RGS7: variants seen among roughly 807,000 people sequenced by gnomAD.
RGS7 encodes regulator of G protein signaling 7.
RGS7 carries 27 observed loss-of-function variants against 81.1 expected under a neutral mutation model. The ratio of observed to expected loss-of-function variants is 0.33; its 90% CI spans 0.25 to 0.46. The LOEUF is 0.46. Among genes scored for constraint, RGS7 ranks in the 20% least tolerant of loss-of-function variants. RGS7 has a pLI of 1.00. For synonymous variants in RGS7, 208 were observed against 207.7 expected, an observed-to-expected ratio of 1.00 and a Z score of -0.01; for missense variants, 396 against 607.4, an observed-to-expected ratio of 0.65 and a Z score of 3.66.
At chr1:240,865,276 C>A (rs1663027869) in intron 9 of RGS7, among the ~76,000 whole-genome samples, 2 of 152,134 alleles carry the variant, frequency 1.3e-5, no homozygotes, top group South Asian at 4.1e-4. Flanking sequence ...CCCTTTTTTA[C>A]TGGTTGTTGG....
chr1:241,211,153 C>T (rs1013995785), intron 2 of RGS7, among the ~76,000 whole-genome samples: 1 of 152,054 alleles, frequency 6.6e-6, no homozygotes, highest in Non-Finnish European at 1.5e-5. Flanking sequence ...GGTGTGGTGG[C>T]GCTTGCCTGT....
At chr1:241,152,775 TG>T (rs2068848449) in intron 2 of RGS7, among the ~76,000 whole-genome samples, 1 of 152,222 alleles carries the variant, frequency 6.6e-6, no homozygotes, top group East Asian at 1.9e-4. Flanking sequence ...CCTCCCATGG[TG>T]GCCAGCAACG....
intron 6 of RGS7, among the ~76,000 whole-genome samples, chr1:240,876,682 C>A (rs1665473281): frequency 6.6e-6 from 1 of 152,110 alleles, no homozygotes; most frequent in Admixed American, 6.5e-5. Context: ...TGGCCATAGG[C>A]TGGGTGTAGT....
At chr1:240,828,999 T>C (rs943070062) in intron 9 of RGS7, among the ~76,000 whole-genome samples, 6 of 152,290 alleles carry the variant, frequency 3.9e-5, no homozygotes, top group Admixed American at 3.9e-4. Context: ...CAGACTCAGC[T>C]GTTCACTACA....
Position 240,836,490 on chromosome 1 carries a change from A to G in RGS7, c.610-9318T>C, listed in dbSNP as rs76337056. 6.6e-3 allele frequency among the ~76,000 whole-genome samples: 1,010 copies of G among 152,224 alleles called. 10 individuals are homozygous for G. Among genetic ancestry groups the G allele is most frequent in the Middle Eastern group, 0.017 (5 of 294 alleles). Reference sequence around the variant, plus strand: ...AAGCTATAATCAACAAAACTTGCTGATGGGTTTTGTCTGTGGGCATGCTGA... The same window carrying G: ...AAGCTATAATCAACAAAACTTGCTGGTGGGTTTTGTCTGTGGGCATGCTGA... On this transcript the variant is annotated intron_variant, in intron 9 of 18. Transcript: ENST00000440928.
chr1:241,329,623 T>C lies in RGS7; in HGVS notation c.78+26076A>G, dbSNP rs368502945. Among the ~76,000 whole-genome samples, 31 of 152,306 alleles carry C rather than the reference T, an allele frequency of 2.0e-4. No homozygotes were observed. The East Asian group carries it at 3.3e-3, about 16-fold the overall frequency. ...ATACCATACGTTCCCTTTAATGTTATTCCATAATGACCATAAAGTGCCTAA... is the reference window on the plus strand; with the variant it reads ...ATACCATACGTTCCCTTTAATGTTACTCCATAATGACCATAAAGTGCCTAA... On this transcript the variant is annotated intron_variant, in intron 2 of 18. Transcript: ENST00000440928.
chr1:240,816,582 A>G (rs1690841156), intron 10 of RGS7, among the ~76,000 whole-genome samples, 167 bp from the exon 11 acceptor site: 1 of 152,240 alleles, frequency 6.6e-6, no homozygotes, highest in African/African-American at 2.4e-5. Context: ...TCAAATGCAT[A>G]TAAAATAGAA....
intron 2 of RGS7, among the ~76,000 whole-genome samples, chr1:241,188,614 A>T (rs2072335533): frequency 6.6e-6 from 1 of 152,200 alleles, no homozygotes. Flanking sequence ...ACTACAAAAA[A>T]TGCTTGAGAT....
chr1:240,955,546 T>C (rs6660126), intron 4 of RGS7, among the ~76,000 whole-genome samples: 128,172 of 143,544 alleles, frequency 0.89, 56,660 homozygotes, highest in Admixed American at 0.94. Flanking sequence ...AGCAAGACTC[T>C]GTCTCAAAAA....
chr1:241,047,956 T>A (rs1441433016), intron 3 of RGS7, among the ~76,000 whole-genome samples: 1 of 152,058 alleles, frequency 6.6e-6, no homozygotes, highest in Admixed American at 6.6e-5. Flanking sequence ...GTCAGGCTGA[T>A]CTTGAACTCC....
chr1:241,330,452 C>A (rs924459532), intron 2 of RGS7, among the ~76,000 whole-genome samples: 1 of 152,174 alleles, frequency 6.6e-6, no homozygotes, highest in South Asian at 2.1e-4. Flanking sequence ...GTTTAAATAA[C>A]CCATCACTTG....
At chr1:240,798,294 A>G (rs1266975840) in intron 18 of RGS7, among the ~76,000 whole-genome samples, 1 of 152,208 alleles carries the variant, frequency 6.6e-6, no homozygotes, top group Non-Finnish European at 1.5e-5. Context: ...GAATCTGGGT[A>G]ACTAACAAAA....
At chr1:240,932,526 T>TTTTTTTTTTTA (rs1675638725) in intron 5 of RGS7, among the ~76,000 whole-genome samples, 3 of 150,352 alleles carry the variant, frequency 2.0e-5, no homozygotes, top group African/African-American at 4.9e-5. Context: ...TTTTTTTTTT[T>TTTTTTTTTTTA]GAGACAGGGT....
Position 240,784,013 on chromosome 1 carries a change from T to TAAAA in RGS7, c.*7-7804_*7-7801dup, listed in dbSNP as rs71172645. On this transcript the variant is annotated intron_variant, in intron 18 of 18. Transcript: ENST00000440928. ...CAACATGGTGAAACCCTGTCTCTACTAAAAAAAAAAAAAAAAAAAAAAAAA... is the reference window on the plus strand; with the variant it reads ...CAACATGGTGAAACCCTGTCTCTACTAAAAAAAAAAAAAAAAAAAAAAAAAAAAA... Among the ~76,000 whole-genome samples, 18 of 83,354 alleles carry TAAAA rather than the reference T, an allele frequency of 2.2e-4. No homozygotes were observed. In the South Asian group the frequency reaches 3.5e-3, roughly 16 times the overall value. 54.7% of individuals were successfully genotyped at this position (83,354 alleles called of 152,430 possible).
At chr1:241,223,528 G>A (rs1464420973) in intron 2 of RGS7, among the ~76,000 whole-genome samples, 1 of 152,070 alleles carries the variant, frequency 6.6e-6, no homozygotes, top group Non-Finnish European at 1.5e-5. Context: ...TGGCAAGCAC[G>A]AATAAGTGGA....
At chr1:240,993,022 A>G (rs1052325859) in intron 3 of RGS7, among the ~76,000 whole-genome samples, 26 of 146,366 alleles carry the variant, frequency 1.8e-4, no homozygotes, top group African/African-American at 6.5e-4. Flanking sequence ...CTCAAAAATT[A>G]AAATGAAATT....
At chr1:241,016,913 T>G (rs1201171022) in intron 3 of RGS7, among the ~76,000 whole-genome samples, 1 of 152,126 alleles carries the variant, frequency 6.6e-6, no homozygotes, top group African/African-American at 2.4e-5. Context: ...TCCTCTTCTT[T>G]TACTGCCTTC....
chr1:240,967,884 T>C (rs953747826), intron 4 of RGS7, among the ~76,000 whole-genome samples: 3 of 152,170 alleles, frequency 2.0e-5, no homozygotes, highest in African/African-American at 7.2e-5. Context: ...ATTAGAGTTA[T>C]TGCTTTTAAA....
At position 241,027,194 on chromosome 1, in the gene RGS7, C is replaced by T. The variant is rs552790680; in HGVS notation, c.176-44065G>A. 2.0e-5 allele frequency among the ~76,000 whole-genome samples: 3 copies of T among 150,842 alleles called. No homozygotes were observed. The South Asian group carries it at 6.3e-4, about 32-fold the overall frequency. On this transcript the variant is annotated intron_variant, in intron 3 of 18. Coordinates refer to ENST00000440928, the MANE Select transcript of RGS7 (RefSeq NM_001364886.1). ...CTCCAGCCTGGGTGGCAGAATGAGA[C>T]CCTGTCTCAAACAAATACAAAAGAA...
Sources: allele counts gnomAD v4.1 joint callset (sites outside exome capture counted in the v4.1 genomes callset), GRCh38; gene constraint gnomAD v4.1.1; transcripts MANE v1.5; gene names NCBI Gene and HGNC (gene_info 2026-07-23, HGNC 2026-07-21).